The following OTUD7B variants were observed in gnomAD, a reference collection of about 807,000 sequenced individuals.
The protein encoded by OTUD7B is OTU deubiquitinase 7B.
In OTUD7B, 34 loss-of-function variants were observed where a neutral mutation model predicts 82.2. That is an observed-to-expected ratio of 0.41 (90% CI 0.31 to 0.55). The LOEUF (loss-of-function observed/expected upper bound fraction) is 0.55, where lower values mean the gene tolerates loss of function less well. OTUD7B is among the 20% of genes least tolerant of loss of function. The pLI is 0.20. For missense variants in OTUD7B, 944 were observed against 1,062.1 expected, an observed-to-expected ratio of 0.89 and a Z score of 1.55; for synonymous variants, 398 against 402.7, an observed-to-expected ratio of 0.99 and a Z score of 0.14.
chr1:150,024,820 G>A, the OTUD7B span, among the ~76,000 whole-genome samples: 1 of 152,136 alleles, frequency 6.6e-6, no homozygotes, highest in Non-Finnish European at 1.5e-5. Context: ...GGCCAAGGCG[G>A]GCGGATCTCT....
intron 3 of OTUD7B, among the ~76,000 whole-genome samples, chr1:149,967,738 A>T (rs1221564882): frequency 6.6e-6 from 1 of 152,166 alleles, no homozygotes; most frequent in Non-Finnish European, 1.5e-5. Flanking sequence ...CAAATTATTC[A>T]TTCCTCTTTC....
intron 11 of OTUD7B, among the ~76,000 whole-genome samples, chr1:149,946,371 A>G (rs1647739144): frequency 6.6e-6 from 1 of 152,102 alleles, no homozygotes; most frequent in Non-Finnish European, 1.5e-5. Context: ...CTCAAAAAAT[A>G]TATATATGTT....
the OTUD7B span, among the ~76,000 whole-genome samples, chr1:150,056,021 C>T: frequency 6.6e-6 from 1 of 151,960 alleles, no homozygotes; most frequent in Non-Finnish European, 1.5e-5. Flanking sequence ...TGCACATGTA[C>T]CCCCGAACCT....
the OTUD7B span, among the ~76,000 whole-genome samples, chr1:150,029,221 T>G: frequency 2.0e-5 from 3 of 152,178 alleles, no homozygotes; most frequent in Non-Finnish European, 4.4e-5. Context: ...GATGAATAAT[T>G]TTTGTCAAAA....
chr1:149,943,904 T>A lies in OTUD7B; in HGVS notation c.2485A>T (p.Arg829Trp). 1 of 1,614,208 alleles carries A rather than the reference T, an allele frequency of 6.2e-7. No homozygotes were observed. Among genetic ancestry groups the A allele is most frequent in the Non-Finnish European group, 8.5e-7 (1 of 1,180,030 alleles). ...TCCCCATCCGGTTCCCGCTCCCTCC[T>A]CCTCAGTTCTTCCCTGTAACAACAG... ...CSCCYREELR[R>W]REREPDGELL... The change falls in exon 12 of 12, where the codon AGG becomes TGG. Residue 829 changes from arginine to tryptophan, a missense_variant. This residue lies in a region of OTUD7B where 412 missense variants were observed against 418.7 expected (regional missense o/e 0.98). Coordinates refer to ENST00000581312, the MANE Select transcript of OTUD7B (RefSeq NM_020205.4).
chr1:149,982,517 G>A (rs1559853921), intron 1 of OTUD7B, among the ~76,000 whole-genome samples: 2 of 150,276 alleles, frequency 1.3e-5, no homozygotes, highest in Non-Finnish European at 3.0e-5. Context: ...TGGAGTGCAG[G>A]AGTTTGATCT....
chr1:150,018,981 T>A, the OTUD7B span, among the ~76,000 whole-genome samples: 1 of 152,132 alleles, frequency 6.6e-6, no homozygotes, highest in East Asian at 1.9e-4. Context: ...TAAAGCACAG[T>A]CTAGTGAGTT....
chr1:150,042,125 CCCTCCCTCCCTCCCTCCCTT>C, the OTUD7B span, among the ~76,000 whole-genome samples: 1 of 109,150 alleles, frequency 9.2e-6, no homozygotes, highest in Admixed American at 9.5e-5. Flanking sequence ...CTCCCTCCCT[CCCTCCCTCCCTCCCTCCCTT>C]CCTTCCTCCC....
intron 7 of OTUD7B, 68 bp downstream of exon 7, chr1:149,959,616 C>A (rs1571624486): frequency 2.2e-6 from 2 of 922,998 alleles, no homozygotes; most frequent in South Asian, 1.3e-5. Context: ...GCTCTCTAGA[C>A]ACTGGGCTGT....
At chr1:150,041,276 A>G in the OTUD7B span, among the ~76,000 whole-genome samples, 1 of 152,064 alleles carries the variant, frequency 6.6e-6, no homozygotes, top group East Asian at 1.9e-4. Context: ...TGCTTTTAAA[A>G]TCTTCACTAT....
At position 149,944,090 on chromosome 1, in the gene OTUD7B, G is replaced by C. The variant is rs367568103; in HGVS notation, c.2299C>G (p.Pro767Ala). The C allele has an allele frequency of 1.9e-6, 3 of 1,614,108 alleles. No homozygotes were observed. The Admixed American group carries it at 5.0e-5, about 27-fold the overall frequency. ...TAGGAATCAGCCACTCGGTAGGGGG[G>C]TGGTAACAAGGCACCCCTGTGAAGT... ...DGLHRGALLPPPYRVADSYSN... is the reference protein window; with the variant it reads ...DGLHRGALLPAPYRVADSYSN... Residue 767 changes from proline (P) to alanine (A), a missense_variant, in exon 12 of 12, where the codon CCC (proline) becomes GCC (alanine). Pro to Ala is a conservative substitution (Grantham distance 27). This residue lies in a region of OTUD7B where 412 missense variants were observed against 418.7 expected (regional missense o/e 0.98). Transcript: ENST00000581312.
chr1:150,048,076 A>G, the OTUD7B span: 1 of 151,834 alleles, frequency 6.6e-6, no homozygotes, highest in African/African-American at 2.4e-5. Context: ...CCTTGATGCC[A>G]TCACTACTTC....
the OTUD7B span, among the ~76,000 whole-genome samples, chr1:150,027,415 G>A: frequency 4.9e-4 from 75 of 152,066 alleles, no homozygotes; most frequent in Middle Eastern, 6.8e-3. Flanking sequence ...GTGACATCCC[G>A]TCTCTACTAA....
intron 3 of OTUD7B, 111 bp downstream of exon 3, chr1:149,970,952 G>T: frequency 9.7e-7 from 1 of 1,033,466 alleles, no homozygotes; most frequent in East Asian, 2.6e-5. Flanking sequence ...TTGGCTGGGA[G>T]AAGGGGAAGA....
the OTUD7B span, chr1:150,050,565 T>C: frequency 6.6e-6 from 1 of 152,212 alleles, no homozygotes; most frequent in African/African-American, 2.4e-5. Flanking sequence ...CTTACAGCAA[T>C]TACTTTTATC....
the OTUD7B span, among the ~76,000 whole-genome samples, chr1:150,060,373 G>C: frequency 7.0e-6 from 1 of 142,232 alleles, no homozygotes; most frequent in Non-Finnish European, 1.5e-5. Flanking sequence ...TATGAGAAGA[G>C]ATTAGGAGAT....
At chr1:149,983,163 A>G (rs1650903901) in intron 1 of OTUD7B, among the ~76,000 whole-genome samples, 1 of 151,996 alleles carries the variant, frequency 6.6e-6, no homozygotes, top group South Asian at 2.1e-4. Flanking sequence ...CCTCCTCTGT[A>G]CTTTTAAACC....
chr1:150,056,547 C>T, the OTUD7B span, among the ~76,000 whole-genome samples: 3 of 152,152 alleles, frequency 2.0e-5, no homozygotes, highest in African/African-American at 7.2e-5. Context: ...CTGAGGTAGG[C>T]GTTATTTTCT....
chr1:149,966,601 A>G (rs1184967136), intron 4 of OTUD7B, among the ~76,000 whole-genome samples: 2 of 152,214 alleles, frequency 1.3e-5, no homozygotes, highest in African/African-American at 4.8e-5. Flanking sequence ...TACATGAGGA[A>G]AATATCTTAT....
Sources: gnomAD v4.1 joint callset for allele counts (sites outside exome capture counted in the v4.1 genomes callset) on GRCh38, gnomAD v4.1.1 for gene constraint, gnomAD v4.1.1 regional missense constraint, MANE v1.5 for transcripts, NCBI Gene and HGNC (gene_info 2026-07-23, HGNC 2026-07-21) for gene names.